The following LRRC45 variants were observed in gnomAD, a reference collection of about 807,000 sequenced individuals.
LRRC45 encodes leucine-rich repeat-containing protein 45.
LRRC45 carries 73 observed loss-of-function variants against 85.4 expected under a neutral mutation model. The observed-to-expected ratio is 0.85, with a 90% CI of 0.71 to 1.04. The LOEUF is 1.04. Ranked by LOEUF, LRRC45 falls within the 50% of genes least tolerant of loss-of-function variation. The probability of loss-of-function intolerance (pLI) is 0.00; values close to 1 mark genes in which losing one functional copy is unlikely to be tolerated. For missense variants in LRRC45, 937 were observed against 883.3 expected (o/e 1.06, Z -0.77); for synonymous variants, 429 against 386.0 (o/e 1.11, Z -1.31).
chr17:82,023,694 C>A lies in LRRC45; in HGVS notation c.51C>A (p.Ala17=). The change falls in exon 1 of 17, where the codon GCC becomes GCA. Residue 17 remains alanine (A), a synonymous_variant. Coordinates refer to ENST00000306688, the MANE Select transcript of LRRC45 (RefSeq NM_144999.4). ...SYSRLCRESG[A]EPQEAVLQQL... is the part of the protein sequence containing the mutation. ...GCCGCCTGTGCAGGGAGAGTGGGGCCGAGCCCCAGGAGGCTGTCCTGCAGC... is the reference window on the plus strand; with the variant it reads ...GCCGCCTGTGCAGGGAGAGTGGGGCAGAGCCCCAGGAGGCTGTCCTGCAGC... 1 of 1,553,020 alleles carries A rather than the reference C, an allele frequency of 6.4e-7. No individual in the cohort carries two copies. Among genetic ancestry groups the A allele is most frequent in the Non-Finnish European group, 8.7e-7 (1 of 1,155,332 alleles).
Position 82,027,553 on chromosome 17 carries a change from G to A in LRRC45, c.833+109G>A. On this transcript the variant is annotated intron_variant, in intron 7 of 16. Coordinates refer to ENST00000306688, the MANE Select transcript of LRRC45 (RefSeq NM_144999.4). ...CGAGTGAGGCCACGAGGAGGTCGCT[G>A]GAGGCTCAGTGCCCAGGCGACCATA... The A allele has an allele frequency of 1.9e-6, 3 of 1,552,200 alleles. No homozygotes were observed. The South Asian group carries it at 3.4e-5, about 17-fold the overall frequency.
In LRRC45 at chr17:82,023,736, C is replaced by T; in HGVS notation, c.93C>T (p.Pro31=). 1 of 1,551,360 alleles carries T rather than the reference C, an allele frequency of 6.4e-7. No homozygotes were observed. The highest frequency in any genetic ancestry group is 8.7e-7 in the Non-Finnish European group (1 of 1,152,166). Residue 31 remains proline, a synonymous_variant, in exon 1 of 17, where the codon CCC becomes CCT. Coordinates refer to ENST00000306688, the MANE Select transcript of LRRC45 (RefSeq NM_144999.4). ...EAVLQQLHQL[P]RGRLDLATQS... The stretch of plus-strand genomic sequence containing the variant: ...TCCTGCAGCAGCTGCACCAGCTTCC[C>T]AGGGGCCGGCTGGACCTGGCCACGC...
rs897934746 is a variant in LRRC45 at position 82,023,546 on chromosome 17, C to G, written c.-98C>G. On this transcript the variant is annotated 5_prime_UTR_variant, in exon 1 of 17. Coordinates refer to ENST00000306688, the MANE Select transcript of LRRC45 (RefSeq NM_144999.4). The stretch of plus-strand genomic sequence containing the variant: ...TCTCCGCCCGGGTCGGCGGAGGCCC[C>G]GTCTCCTGTACCCGGCGCTGGGACT... The G allele has an allele frequency of 1.1e-5, 12 of 1,141,566 alleles. No homozygotes were observed. Among genetic ancestry groups the G allele is most frequent in the Admixed American group, 8.9e-5 (3 of 33,648 alleles). The allele number at this position is 1,141,566 out of a possible 1,614,324, so 70.7% of individuals were successfully genotyped here.
intron 5 of LRRC45, among the ~76,000 whole-genome samples, 183 bp downstream of exon 5, chr17:82,025,690 A>G (rs1318772983): frequency 1.3e-5 from 2 of 152,200 alleles, no homozygotes; most frequent in Non-Finnish European, 2.9e-5. Context: ...TTCGCCACAC[A>G]TGGGCACTGT....
intron 5 of LRRC45, among the ~76,000 whole-genome samples, chr17:82,025,726 GTTC>G (rs1398938566): frequency 6.6e-6 from 1 of 152,248 alleles, no homozygotes; most frequent in Non-Finnish European, 1.5e-5. Flanking sequence ...TACTTGCTGA[GTTC>G]TTAGGACCTG....
At position 82,027,451 on chromosome 17, in the gene LRRC45, G is replaced by A. The variant is rs765256580; in HGVS notation, c.833+7G>A. Reference sequence around the variant, plus strand: ...AGATGGCCAAGAGCAGCAGGTGAGCGGGCCCAGGGCAGGGGCAGGGTGAGG... The same window carrying A: ...AGATGGCCAAGAGCAGCAGGTGAGCAGGCCCAGGGCAGGGGCAGGGTGAGG... On this transcript the variant is annotated splice_region_variant and intron_variant, in intron 7 of 16. Coordinates refer to ENST00000306688, the MANE Select transcript of LRRC45 (RefSeq NM_144999.4). The A allele has an allele frequency of 8.7e-6, 14 of 1,612,656 alleles. No homozygotes were observed. Among genetic ancestry groups the A allele is most frequent in the South Asian group, 1.1e-5 (1 of 91,078 alleles).
In LRRC45 at chr17:82,030,179, G is replaced by C; in HGVS notation, c.1609G>C (p.Val537Leu). Reference protein sequence around the residue: ...KQVVAEAQTRVSQLGLQVEGL... With the variant: ...KQVVAEAQTRLSQLGLQVEGL... ...GGTGGTGGCCGAGGCCCAGACCCGG[G>C]TCAGCCAGCTGGGCCTGCAAGTTGA... is the stretch of plus-strand genomic sequence containing the variant. The change falls in exon 15 of 17, where the codon GTC (valine) becomes CTC (leucine). Residue 537 changes from valine (V) to leucine (L), a missense_variant. By Grantham distance (32) the Val-to-Leu change is conservative. Transcript: ENST00000306688. 6.5e-7 allele frequency: 1 copy of C among 1,544,598 alleles called. No individual in the cohort carries two copies. Among genetic ancestry groups the C allele is most frequent in the Non-Finnish European group, 8.7e-7 (1 of 1,143,994 alleles).
chr17:82,025,327 G>C, intron 4 of LRRC45, 52 bp from the exon 5 acceptor site: 1 of 1,535,646 alleles, frequency 6.5e-7, no homozygotes, highest in Non-Finnish European at 8.8e-7. Flanking sequence ...GGCCAGGCCA[G>C]CTCCCCCTCT....
intron 1 of LRRC45, 114 bp from the exon 2 acceptor site, chr17:82,024,164 C>T (rs1290287515): frequency 7.3e-6 from 9 of 1,239,612 alleles, no homozygotes; most frequent in Non-Finnish European, 1.0e-5. Context: ...CCAACCCAGA[C>T]CATCGGGACA....
intron 2 of LRRC45, 134 bp downstream of exon 2, chr17:82,024,473 C>G (rs2043347853): frequency 1.8e-6 from 2 of 1,093,676 alleles, no homozygotes; most frequent in Non-Finnish European, 2.6e-6. Flanking sequence ...AGGCCGCTCT[C>G]TGATGGCCTC....
rs761996491 is a variant in LRRC45, at chr17:82,025,068, C to A, written c.422C>A (p.Ala141Glu). 6.2e-7 allele frequency: 1 copy of A among 1,609,266 alleles called. No homozygotes were observed. Among genetic ancestry groups the A allele is most frequent in the Non-Finnish European group, 8.5e-7 (1 of 1,178,348 alleles). ...TTCGCCACCTTCTGCGGGGGCCTGG[C>A]GGCCAACGGCGCCCTGCAGCGGCTG... ...DAFATFCGGL[A>E]ANGALQRLDL... is the part of the protein sequence containing the mutation. The change falls in exon 4 of 17, where the codon GCG becomes GAG. Residue 141 changes from alanine (A) to glutamate (E), a missense_variant. Ala to Glu is a moderately radical substitution (Grantham distance 107, BLOSUM62 -1). Transcript: ENST00000306688.
rs537223734 is a variant in LRRC45 at position 82,026,636 on chromosome 17, G to A, written c.662-263G>A. On this transcript the variant is annotated intron_variant, in intron 5 of 16. Transcript: ENST00000306688. Reference sequence around the variant, plus strand: ...ACTCAGTCACCCAGGCTGGAGTGCAGTGGCGCAATCTCGGCTCACTGCAAC... The same window carrying A: ...ACTCAGTCACCCAGGCTGGAGTGCAATGGCGCAATCTCGGCTCACTGCAAC... 4.6e-5 allele frequency among the ~76,000 whole-genome samples: 7 copies of A among 151,700 alleles called. No individual in the cohort carries two copies. The South Asian group carries it at 1.5e-3, about 32-fold the overall frequency.
rs1598456329 is a variant in LRRC45, at chr17:82,029,185, G to A, written c.1401G>A (p.Glu467=). ...RLEAARLSLE[E]ELSRVKAAAL... ...AGGCGGCGCGGCTGTCCCTGGAGGA[G>A]GTGAGTGCCCACCAGGCAGGGCCAA... The change falls in exon 13 of 17, where the codon GAG becomes GAA. Residue 467 remains glutamate (E), a splice_region_variant and synonymous_variant. Transcript: ENST00000306688. 1 of 1,609,686 alleles carries A rather than the reference G, an allele frequency of 6.2e-7. No individual in the cohort carries two copies. Among genetic ancestry groups the A allele is most frequent in the Non-Finnish European group, 8.5e-7 (1 of 1,179,224 alleles).
Position 82,031,086 on chromosome 17 carries a change from C to G in LRRC45, c.*281C>G, listed in dbSNP as rs980830395. 9 of 371,290 alleles carry G rather than the reference C, an allele frequency of 2.4e-5. No homozygotes were observed. The highest frequency in any genetic ancestry group is 4.3e-5 in the Non-Finnish European group (9 of 208,566). The allele number at this position is 371,290 out of a possible 1,614,324, so 23.0% of individuals were successfully genotyped here. A position where few individuals can be genotyped will look rare whatever the true frequency, so the allele number is the denominator to read the frequency against. ...TCCCCCTCGCCTTTTGCGATGTCAC[C>G]GTGAACGCTGCGGCCGCCTGCGCGC... On this transcript the variant is annotated 3_prime_UTR_variant, in exon 17 of 17. Transcript: ENST00000306688.
At chr17:82,029,387 A>G (rs1302867802) in intron 13 of LRRC45, among the ~76,000 whole-genome samples, 156 bp from the exon 14 acceptor site, 1 of 152,206 alleles carries the variant, frequency 6.6e-6, no homozygotes, top group Admixed American at 6.5e-5. Flanking sequence ...GGCCTTAGGA[A>G]CCTTGCCCAG....
chr17:82,028,612 G>A lies in LRRC45; in HGVS notation c.1238-1G>A. 1 of 1,612,860 alleles carries A rather than the reference G, an allele frequency of 6.2e-7. No individual in the cohort carries two copies. The highest frequency in any genetic ancestry group is 8.5e-7 in the Non-Finnish European group (1 of 1,179,974). On this transcript the variant is annotated splice_acceptor_variant, in intron 11 of 16. Transcript: ENST00000306688. LOFTEE classifies it high-confidence loss of function. ...ATACTCTGCCCACCCTGGGCTTCCA[G>A]AGCGCCTGGACATGGAGAAGAGAAG...
At chr17:82,029,926 TGC>T in intron 14 of LRRC45, 137 bp from the exon 15 acceptor site, 1 of 1,112,800 alleles carries the variant, frequency 9.0e-7, no homozygotes, top group Non-Finnish European at 1.2e-6. Context: ...AGGAGGTGGC[TGC>T]CAGGGGAGCG....
intron 5 of LRRC45, among the ~76,000 whole-genome samples, chr17:82,026,564 TTGTGTGTGTGTGTG>T (rs550616399): frequency 1.5e-5 from 2 of 137,466 alleles, no homozygotes; most frequent in African/African-American, 2.7e-5. Context: ...CACAGCTCCT[TTGTGTGTGTGTGTG>T]TGTGTGTGTG....
At chr17:82,030,275 A>G in intron 15 of LRRC45, 37 bp downstream of exon 15, 2 of 1,539,402 alleles carry the variant, frequency 1.3e-6, no homozygotes, top group Non-Finnish European at 1.8e-6. Context: ...CGGGCGTGCT[A>G]GCCCCCAACC....
Sources: gnomAD v4.1 joint callset for allele counts (sites outside exome capture counted in the v4.1 genomes callset) on GRCh38, gnomAD v4.1.1 for gene constraint, MANE v1.5 for transcripts, NCBI Gene and HGNC (gene_info 2026-07-23, HGNC 2026-07-21) for gene names.